SNX27: variants seen among roughly 807,000 people sequenced by gnomAD.
SNX27 encodes the protein sorting nexin 27.
Under a neutral mutation model 71.6 loss-of-function variants are expected in SNX27, and 22 were observed. The ratio of observed to expected loss-of-function variants is 0.31; its 90% CI spans 0.22 to 0.44. The LOEUF is 0.44. Among genes scored for constraint, SNX27 ranks in the 20% least tolerant of loss-of-function variants. SNX27 has a pLI of 1.00. For synonymous variants in SNX27, 269 were observed against 277.2 expected (o/e 0.97, Z 0.29); for missense variants, 531 against 698.6 (o/e 0.76, Z 2.70).
In SNX27 at chr1:151,662,239, A is replaced by C; in HGVS notation, c.875A>C (p.Lys292Thr). Residue 292 changes from lysine (K) to threonine (T), a missense_variant, in exon 5 of 12, where the codon AAA becomes ACA. Physicochemically the swap from Lys to Thr is moderately conservative, Grantham distance 78. Around this residue, in one of 5 missense-constraint regions of SNX27, gnomAD observed 184 missense variants for 289.6 expected, o/e 0.64. Transcript: ENST00000458013. Reference sequence around the variant, plus strand: ...GGAACAACGGTTACAGTCAGGGTTAAAAAGAACAGTACTACAGACCAAGTA... The same window carrying C: ...GGAACAACGGTTACAGTCAGGGTTACAAAGAACAGTACTACAGACCAAGTA... The part of the protein sequence containing the change: ...PDGTTVTVRV[K>T]KNSTTDQVYQ... The C allele has an allele frequency of 6.2e-7, 1 of 1,613,304 alleles. No homozygotes were observed. Among genetic ancestry groups the C allele is most frequent in the Non-Finnish European group, 8.5e-7 (1 of 1,179,358 alleles).
intron 6 of SNX27, chr1:151,666,217 A>G (rs1670181197): frequency 2.6e-6 from 1 of 380,568 alleles, no homozygotes; most frequent in Non-Finnish European, 4.7e-6. Context: ...TATAGGTTAT[A>G]ACTAGCAATG....
At chr1:151,617,058 G>A (rs1667453667) in intron 1 of SNX27, among the ~76,000 whole-genome samples, 1 of 152,052 alleles carries the variant, frequency 6.6e-6, no homozygotes, top group Admixed American at 6.6e-5. Context: ...AACAAATAGT[G>A]AATTGTTAGG....
intron 4 of SNX27, 109 bp downstream of exon 4, chr1:151,660,971 T>G: frequency 1.3e-6 from 1 of 797,412 alleles, no homozygotes; most frequent in Non-Finnish European, 2.2e-6. Flanking sequence ...TCCAAAGGAC[T>G]CCATTTTTTC....
At chr1:151,639,636 CTG>C (rs1321607430) in intron 2 of SNX27, among the ~76,000 whole-genome samples, 2 of 152,196 alleles carry the variant, frequency 1.3e-5, no homozygotes, top group African/African-American at 4.8e-5. Flanking sequence ...GAATGATTAA[CTG>C]TGGTTTTTCC....
At chr1:151,654,512 AC>A (rs1303438945) in intron 2 of SNX27, among the ~76,000 whole-genome samples, 1 of 151,898 alleles carries the variant, frequency 6.6e-6, no homozygotes, top group African/African-American at 2.4e-5. Context: ...AGAGTATTTT[AC>A]TTTTACTCCT....
intron 7 of SNX27, chr1:151,677,977 T>C (rs1288827288): frequency 1.3e-5 from 2 of 152,212 alleles, no homozygotes; most frequent in African/African-American, 4.8e-5. Flanking sequence ...ATTTTTAGTG[T>C]ATAGTTCAAT....
chr1:151,627,615 A>G (rs1403402116), intron 1 of SNX27, among the ~76,000 whole-genome samples: 1 of 151,986 alleles, frequency 6.6e-6, no homozygotes, highest in Non-Finnish European at 1.5e-5. Context: ...TTAAATAGAG[A>G]TGGGGTTTCG....
chr1:151,619,950 A>G (rs983933887), intron 1 of SNX27, among the ~76,000 whole-genome samples: 11 of 152,206 alleles, frequency 7.2e-5, no homozygotes, highest in Non-Finnish European at 1.6e-4. Flanking sequence ...GAAAAGCACA[A>G]TCGAAGTATA....
In SNX27 at chr1:151,641,813, TGA is replaced by T. The variant is rs1395989099; in HGVS notation, c.543+2697_543+2698del. Among the ~76,000 whole-genome samples, 23 of 140,026 alleles carry T rather than the reference TGA, an allele frequency of 1.6e-4. 7 individuals are homozygous for T. The highest frequency in any genetic ancestry group is 3.0e-4 in the Admixed American group (4 of 13,510). The allele number at this position is 140,026 out of a possible 152,430, so 91.9% of individuals were successfully genotyped here. ...GAGATATATAAGATATAGATATATATGAGATATATATGTCAGCTATAGATATA... is the reference window on the plus strand; with the variant it reads ...GAGATATATAAGATATAGATATATATGATATATATGTCAGCTATAGATATA... On this transcript the variant is annotated intron_variant, in intron 2 of 11. Transcript: ENST00000458013.
At chr1:151,674,225 T>C (rs1220144206) in intron 7 of SNX27, among the ~76,000 whole-genome samples, 1 of 152,190 alleles carries the variant, frequency 6.6e-6, no homozygotes, top group Non-Finnish European at 1.5e-5. Flanking sequence ...TTTGTAGGTT[T>C]GCAGTTACCA....
intron 1 of SNX27, among the ~76,000 whole-genome samples, chr1:151,614,913 A>G (rs1453259564): frequency 2.6e-5 from 4 of 152,196 alleles, no homozygotes; most frequent in Non-Finnish European, 5.9e-5. Context: ...ACATCCCAAC[A>G]TACATAGTTA....
intron 7 of SNX27, chr1:151,675,810 C>CTTTCTTTTTTTTTTT (rs1670665258): frequency 6.4e-5 from 2 of 31,484 alleles, no homozygotes; most frequent in Non-Finnish European, 1.2e-4. Flanking sequence ...TTCTTTCTTT[C>CTTTCTTTTTTTTTTT]TTTTTTTTTT....
At chr1:151,618,033 C>CTT (rs555481981) in intron 1 of SNX27, among the ~76,000 whole-genome samples, 3 of 137,036 alleles carry the variant, frequency 2.2e-5, no homozygotes, top group Admixed American at 7.3e-5. Flanking sequence ...TTTTTTTGTA[C>CTT]TTTTTTTTTT....
chr1:151,613,801 T>G (rs1056515614), intron 1 of SNX27: 1 of 152,246 alleles, frequency 6.6e-6, no homozygotes, highest in Non-Finnish European at 1.5e-5. Context: ...GCAGGTGGTG[T>G]GTGCTCGCGT....
At chr1:151,681,745 C>T (rs932300495) in intron 7 of SNX27, among the ~76,000 whole-genome samples, 5 of 152,068 alleles carry the variant, frequency 3.3e-5, no homozygotes, top group Non-Finnish European at 5.9e-5. Context: ...TTTTAGCTCC[C>T]TGTTGTTTAT....
intron 7 of SNX27, chr1:151,669,313 A>G (rs149982749): frequency 1.1e-4 from 16 of 152,340 alleles, no homozygotes; most frequent in Admixed American, 2.6e-4. Flanking sequence ...ATGACTGTAA[A>G]TAGTGAGATT....
chr1:151,651,528 G>T (rs1479683422), intron 2 of SNX27, among the ~76,000 whole-genome samples: 2 of 150,576 alleles, frequency 1.3e-5, no homozygotes, highest in African/African-American at 4.9e-5. Flanking sequence ...TCTCAGACGG[G>T]GCGGCCGGGC....
chr1:151,658,488 C>T, intron 3 of SNX27, 61 bp downstream of exon 3: 3 of 1,468,920 alleles, frequency 2.0e-6, no homozygotes. Flanking sequence ...TATGCAACTT[C>T]TAAACTGCAT....
At chr1:151,616,494 A>G (rs1301786993) in intron 1 of SNX27, among the ~76,000 whole-genome samples, 4 of 152,224 alleles carry the variant, frequency 2.6e-5, no homozygotes, top group Non-Finnish European at 4.4e-5. Flanking sequence ...TTCCCTCATT[A>G]AAGTCATAAG....
Sources: allele counts gnomAD v4.1 joint callset (sites outside exome capture counted in the v4.1 genomes callset), GRCh38; gene constraint gnomAD v4.1.1; regional missense constraint gnomAD v4.1.1; transcripts MANE v1.5; gene names NCBI Gene and HGNC (gene_info 2026-07-23, HGNC 2026-07-21).